DOCK5: variants seen among roughly 807,000 people sequenced by gnomAD.
DOCK5 encodes the protein dedicator of cytokinesis 5, also known as dedicator of cytokinesis protein 5.
DOCK5 carries 142 observed loss-of-function variants against 251.8 expected under a neutral mutation model. The observed-to-expected ratio is 0.56, with a 90% CI of 0.49 to 0.65. DOCK5 has a LOEUF of 0.65. Among genes scored for constraint, DOCK5 ranks in the 30% least tolerant of loss-of-function variants. The pLI, the probability that DOCK5 is intolerant of heterozygous loss-of-function variation, is 0.00. For synonymous variants in DOCK5, 842 were observed against 835.5 expected (o/e 1.01, Z -0.13); for missense variants, 2,111 against 2,312.3 (o/e 0.91, Z 1.79).
chr8:25,393,826 A>G (rs1801300928), intron 44 of DOCK5, among the ~76,000 whole-genome samples: 2 of 152,196 alleles, frequency 1.3e-5, no homozygotes, highest in South Asian at 4.1e-4. Context: ...GCCATGAAAT[A>G]CATACATCTT....
rs1563309184 is a variant in DOCK5 at position 25,210,043 on chromosome 8, T to TAA, written c.43+25092_43+25093insAA. Among the ~76,000 whole-genome samples, 7 of 25,208 alleles carry TAA rather than the reference T, an allele frequency of 2.8e-4. 2 individuals are homozygous for TAA. Among genetic ancestry groups the TAA allele is most frequent in the African/African-American group, 9.8e-4 (7 of 7,156 alleles). The allele number at this position is 25,208 out of a possible 152,430, so 16.5% of individuals were successfully genotyped here. A position where few individuals can be genotyped will look rare whatever the true frequency, so the allele number is the denominator to read the frequency against. On this transcript the variant is annotated intron_variant, in intron 1 of 51. Coordinates refer to ENST00000276440, the MANE Select transcript of DOCK5 (RefSeq NM_024940.8). ...ATATATATATATATATAAATGTGTG[T>TAA]GTGTGTGTGTGTGTGTGTGTGTGTG...
In DOCK5 at chr8:25,187,364, TTGTGTGTGTG is replaced by T. The variant is rs34685735; in HGVS notation, c.43+2437_43+2446del. ...ATGTATATGGAAATATGGGTGGAAA[TTGTGTGTGTG>T]TGTGTGTGTGTGTGTGTGTGTGTAA... is the stretch of plus-strand genomic sequence containing the variant. On this transcript the variant is annotated intron_variant, in intron 1 of 51. Transcript: ENST00000276440. Among the ~76,000 whole-genome samples, 1,064 of 136,602 alleles carry T rather than the reference TTGTGTGTGTG, an allele frequency of 7.8e-3. 23 individuals are homozygous for T. Among genetic ancestry groups the T allele is most frequent in the African/African-American group, 0.028 (1,013 of 36,522 alleles). 89.6% of individuals were successfully genotyped at this position (136,602 alleles called of 152,430 possible).
intron 5 of DOCK5, among the ~76,000 whole-genome samples, chr8:25,286,857 C>A (rs1336078090): frequency 6.6e-6 from 1 of 151,854 alleles, no homozygotes; most frequent in African/African-American, 2.4e-5. Context: ...GAGACAGAGT[C>A]TTACCATTTT....
At chr8:25,255,720 A>G (rs541000547) in intron 2 of DOCK5, among the ~76,000 whole-genome samples, 1 of 152,322 alleles carries the variant, frequency 6.6e-6, no homozygotes, top group Admixed American at 6.5e-5. Context: ...GATTGCAATA[A>G]ATGTACCACT....
At chr8:25,286,347 T>C (rs1804332192) in intron 5 of DOCK5, among the ~76,000 whole-genome samples, 1 of 152,160 alleles carries the variant, frequency 6.6e-6, no homozygotes, top group African/African-American at 2.4e-5. Context: ...GGAGGAGTAA[T>C]TGAGTTTAAT....
At chr8:25,188,824 T>C (rs1464460202) in intron 1 of DOCK5, among the ~76,000 whole-genome samples, 1 of 152,162 alleles carries the variant, frequency 6.6e-6, no homozygotes, top group Admixed American at 6.5e-5. Flanking sequence ...CTTTTTTCTT[T>C]CTTTGTTTCT....
Position 25,336,314 on chromosome 8 carries a change from G to A in DOCK5, c.2268G>A (p.Ala756=), listed in dbSNP as rs770254542. 1.5e-5 allele frequency: 24 copies of A among 1,613,760 alleles called. No individual in the cohort carries two copies. Among genetic ancestry groups the A allele is most frequent in the Middle Eastern group, 1.6e-4 (1 of 6,082 alleles). The change falls in exon 22 of 52, where the codon GCG becomes GCA. Residue 756 remains alanine (A), a synonymous_variant. Transcript: ENST00000276440. ...DSSKTELLFA[A]LKALKYLFRF... Reference sequence around the variant, plus strand: ...GCAAGACTGAACTGCTTTTTGCTGCGTTGAAAGCCTTGAAGTACTTGTTTA... The same window carrying A: ...GCAAGACTGAACTGCTTTTTGCTGCATTGAAAGCCTTGAAGTACTTGTTTA...
In DOCK5 at chr8:25,366,897, G is replaced by A; in HGVS notation, c.3151G>A (p.Val1051Ile). 1.9e-6 allele frequency: 3 copies of A among 1,613,712 alleles called. No individual in the cohort carries two copies. Among genetic ancestry groups the A allele is most frequent in the South Asian group, 1.1e-5 (1 of 91,068 alleles). The change falls in exon 31 of 52, where the codon GTT becomes ATT. Residue 1051 changes from valine to isoleucine, a missense_variant. Val to Ile is a conservative substitution (Grantham distance 29, BLOSUM62 3). Coordinates refer to ENST00000276440, the MANE Select transcript of DOCK5 (RefSeq NM_024940.8). ...CTGGAACAATTACTTCCATTTGGCA[G>A]TTGCATTTCTCACCCATGAGTCCCT... ...QLWNNYFHLAVAFLTHESLQL... is the reference protein window; with the variant it reads ...QLWNNYFHLAIAFLTHESLQL...
chr8:25,239,315 GTA>G (rs1255833751), intron 1 of DOCK5, among the ~76,000 whole-genome samples: 12 of 143,544 alleles, frequency 8.4e-5, no homozygotes, highest in African/African-American at 2.4e-4. Flanking sequence ...GTGTGTGCGT[GTA>G]TATGTGTGTG....
At chr8:25,409,594 A>AGC (rs1250129079) in intron 50 of DOCK5, 3 of 155,314 alleles carry the variant, frequency 1.9e-5, no homozygotes, top group African/African-American at 7.2e-5. Flanking sequence ...CACGCCTGTA[A>AGC]TCCCAGCACT....
intron 1 of DOCK5, among the ~76,000 whole-genome samples, chr8:25,185,348 T>C (rs1020598301): frequency 6.6e-6 from 1 of 152,120 alleles, no homozygotes; most frequent in Non-Finnish European, 1.5e-5. Context: ...GGTCGGCACA[T>C]GGACTGGTGC....
chr8:25,408,163 C>A lies in DOCK5; in HGVS notation c.5265+9C>A, dbSNP rs746480268. ...CAGAACCCGATTTGATGGTAAAAAA[C>A]AGAAAAGAAAAAAAGAAATCTCTGG... On this transcript the variant is annotated intron_variant, in intron 49 of 51. Transcript: ENST00000276440. 3.2e-6 allele frequency: 5 copies of A among 1,562,742 alleles called. No homozygotes were observed. Among genetic ancestry groups the A allele is most frequent in the Middle Eastern group, 1.7e-4 (1 of 5,964 alleles).
chr8:25,335,931 G>C (rs1371021939), intron 21 of DOCK5, among the ~76,000 whole-genome samples: 2 of 152,198 alleles, frequency 1.3e-5, no homozygotes, highest in African/African-American at 4.8e-5. Flanking sequence ...TTGCATACCA[G>C]AGATTAAAAT....
intron 1 of DOCK5, among the ~76,000 whole-genome samples, chr8:25,235,669 G>A (rs1391961827): frequency 8.5e-5 from 13 of 152,104 alleles, no homozygotes; most frequent in Non-Finnish European, 2.9e-5. Flanking sequence ...ATCACTTGCT[G>A]CCAGTGAGGC....
intron 30 of DOCK5, among the ~76,000 whole-genome samples, chr8:25,366,358 G>T (rs1295485689): frequency 6.6e-6 from 1 of 152,150 alleles, no homozygotes; most frequent in African/African-American, 2.4e-5. Flanking sequence ...AGGCCTGGTA[G>T]TGGGTGCCTG....
intron 9 of DOCK5, 36 bp downstream of exon 9, chr8:25,300,693 T>A: frequency 6.4e-7 from 1 of 1,571,372 alleles, no homozygotes; most frequent in Non-Finnish European, 8.7e-7. Flanking sequence ...TTCTCTTTGT[T>A]TGTGATATGA....
At chr8:25,317,252 G>A in intron 14 of DOCK5, 121 bp downstream of exon 14, 1 of 1,454,612 alleles carries the variant, frequency 6.9e-7, no homozygotes, top group South Asian at 1.3e-5. Context: ...CCTGAGAAAA[G>A]AAATATAAAG....
At chr8:25,186,069 T>C (rs1360859561) in intron 1 of DOCK5, among the ~76,000 whole-genome samples, 2 of 152,220 alleles carry the variant, frequency 1.3e-5, no homozygotes, top group Admixed American at 6.5e-5. Flanking sequence ...CACTGGTTAA[T>C]GAAGTGCAGT....
chr8:25,317,176 T>G, intron 14 of DOCK5, 45 bp downstream of exon 14: 1 of 1,601,392 alleles, frequency 6.2e-7, no homozygotes, highest in African/African-American at 1.3e-5. Flanking sequence ...GCATCCGTCT[T>G]TACAATCACG....
Sources: allele counts gnomAD v4.1 joint callset (sites outside exome capture counted in the v4.1 genomes callset), GRCh38; gene constraint gnomAD v4.1.1; transcripts MANE v1.5; gene names NCBI Gene and HGNC (gene_info 2026-07-23, HGNC 2026-07-21).